MARCHF1: variants seen among roughly 807,000 people sequenced by gnomAD.
MARCHF1 encodes membrane associated ring-CH-type finger 1, also known as E3 ubiquitin-protein ligase MARCHF1.
A neutral mutation model predicts 54.2 loss-of-function variants in MARCHF1; 40 were observed. The ratio of observed to expected loss-of-function variants is 0.74; its 90% confidence interval spans 0.57 to 0.96. The LOEUF (loss-of-function observed/expected upper bound fraction) is 0.96, where lower values mean the gene tolerates loss of function less well. Among genes scored for constraint, MARCHF1 ranks in the 40% least tolerant of loss-of-function variants. The pLI, the probability that MARCHF1 is intolerant of heterozygous loss-of-function variation, is 0.00. For synonymous variants in MARCHF1, 236 were observed against 236.3 expected (o/e 1.00, Z 0.01); for missense variants, 586 against 656.5 (o/e 0.89, Z 1.17).
chr4:163,727,384 T>C (rs1745691666), intron 4 of MARCHF1, among the ~76,000 whole-genome samples: 1 of 151,972 alleles, frequency 6.6e-6, no homozygotes, highest in African/African-American at 2.4e-5. Context: ...TTCAGCTCAC[T>C]TCAAGCTCCG....
intron 3 of MARCHF1, among the ~76,000 whole-genome samples, chr4:163,955,492 A>G (rs1313688466): frequency 6.6e-6 from 1 of 151,748 alleles, no homozygotes; most frequent in Non-Finnish European, 1.5e-5. Flanking sequence ...TTCTCTCACA[A>G]CTCATACACT....
intron 2 of MARCHF1, among the ~76,000 whole-genome samples, chr4:164,006,178 A>G (rs1464212955): frequency 6.6e-6 from 1 of 152,210 alleles, no homozygotes; most frequent in Non-Finnish European, 1.5e-5. Flanking sequence ...AAAAGAATTC[A>G]AAATAGCAGA....
chr4:163,648,453 C>G (rs1560996749), intron 5 of MARCHF1, among the ~76,000 whole-genome samples: 1 of 151,522 alleles, frequency 6.6e-6, no homozygotes, highest in African/African-American at 2.4e-5. Flanking sequence ...CTGACTGTTT[C>G]TTAAACATTT....
intron 5 of MARCHF1, among the ~76,000 whole-genome samples, chr4:163,628,420 G>T (rs1741949780): frequency 6.6e-6 from 1 of 152,140 alleles, no homozygotes; most frequent in Non-Finnish European, 1.5e-5. Context: ...GGCTATTTAT[G>T]ACAAACCCAC....
intron 5 of MARCHF1, among the ~76,000 whole-genome samples, chr4:163,648,535 T>C (rs2111060736): frequency 6.6e-6 from 1 of 151,456 alleles, no homozygotes; most frequent in South Asian, 2.1e-4. Flanking sequence ...GTGAAGACGT[T>C]ATTCACTTTG....
chr4:163,874,247 G>A (rs1750241121), intron 3 of MARCHF1, among the ~76,000 whole-genome samples: 1 of 152,166 alleles, frequency 6.6e-6, no homozygotes, highest in South Asian at 2.1e-4. Context: ...TATTAGAGAT[G>A]TTTGGGCAGC....
chr4:163,636,197 C>G lies in MARCHF1; in HGVS notation c.163-22804G>C, dbSNP rs933165998. Among the ~76,000 whole-genome samples the G allele has an allele frequency of 5.3e-5, 8 of 152,100 alleles. No homozygotes were observed. The East Asian group carries it at 1.5e-3, about 29-fold the overall frequency. On this transcript the variant is annotated intron_variant, in intron 5 of 9. Transcript: ENST00000514618. ...TGAAAACCGGCACAAGACAGGGATGCCCTCTCTCACCACCCCTATTCAACA... is the reference window on the plus strand; with the variant it reads ...TGAAAACCGGCACAAGACAGGGATGGCCTCTCTCACCACCCCTATTCAACA...
chr4:164,323,447 T>C (rs1267362641), intron 1 of MARCHF1, among the ~76,000 whole-genome samples: 1 of 151,276 alleles, frequency 6.6e-6, no homozygotes, highest in Non-Finnish European at 1.5e-5. Flanking sequence ...AAAACAGAAA[T>C]GTTAATTACA....
At chr4:163,610,605 G>A (rs1741305776) in intron 7 of MARCHF1, among the ~76,000 whole-genome samples, 1 of 152,040 alleles carries the variant, frequency 6.6e-6, no homozygotes, top group Non-Finnish European at 1.5e-5. Context: ...GGTTGCAAGT[G>A]GGAAATTCTC....
chr4:163,715,347 G>A (rs1178587459), intron 4 of MARCHF1, among the ~76,000 whole-genome samples: 1 of 152,140 alleles, frequency 6.6e-6, no homozygotes, highest in Non-Finnish European at 1.5e-5. Flanking sequence ...CAGGGTTCAC[G>A]CCATTCATCT....
At chr4:164,321,007 A>G (rs1735127802) in intron 1 of MARCHF1, among the ~76,000 whole-genome samples, 1 of 152,182 alleles carries the variant, frequency 6.6e-6, no homozygotes, top group Non-Finnish European at 1.5e-5. Context: ...ACAAGCATCA[A>G]AGAGTGATTT....
intron 3 of MARCHF1, among the ~76,000 whole-genome samples, chr4:163,962,526 C>T (rs962321185): frequency 5.9e-5 from 9 of 151,822 alleles, no homozygotes; most frequent in African/African-American, 2.2e-4. Context: ...TGATTATGAC[C>T]TAAATTTGAA....
chr4:163,627,602 T>G (rs1357527745), intron 5 of MARCHF1, among the ~76,000 whole-genome samples: 1 of 152,120 alleles, frequency 6.6e-6, no homozygotes, highest in Non-Finnish European at 1.5e-5. Flanking sequence ...TCAATCTTAT[T>G]TGATATGTAA....
intron 3 of MARCHF1, among the ~76,000 whole-genome samples, chr4:163,915,103 A>AT (rs1395031699): frequency 2.0e-5 from 3 of 152,160 alleles, no homozygotes; most frequent in African/African-American, 4.8e-5. Flanking sequence ...ATCTTGTTTT[A>AT]TTTTTAAAAA....
At chr4:163,833,381 C>T (rs1023907628) in intron 4 of MARCHF1, among the ~76,000 whole-genome samples, 1 of 152,106 alleles carries the variant, frequency 6.6e-6, no homozygotes, top group Non-Finnish European at 1.5e-5. Context: ...TCTAATTAAA[C>T]TAAAGAGCTT....
At chr4:163,718,521 A>G (rs1373329119) in intron 4 of MARCHF1, among the ~76,000 whole-genome samples, 1 of 152,200 alleles carries the variant, frequency 6.6e-6, no homozygotes, top group Non-Finnish European at 1.5e-5. Flanking sequence ...TAACTGCTCT[A>G]TGAGATCAAT....
intron 1 of MARCHF1, among the ~76,000 whole-genome samples, chr4:164,211,245 T>C (rs1731760370): frequency 6.7e-6 from 1 of 150,062 alleles, no homozygotes; most frequent in Admixed American, 6.7e-5. Flanking sequence ...GTTGAGGTGG[T>C]AGATATGTTA....
intron 3 of MARCHF1, among the ~76,000 whole-genome samples, chr4:163,980,103 C>T (rs1337860501): frequency 3.4e-5 from 5 of 146,992 alleles, no homozygotes; most frequent in Non-Finnish European, 6.0e-5. Flanking sequence ...ATCACACTAC[C>T]TGACTTCAAA....
chr4:163,531,120 C>T (rs1579033673), intron 9 of MARCHF1, among the ~76,000 whole-genome samples: 1 of 151,936 alleles, frequency 6.6e-6, no homozygotes, highest in South Asian at 2.1e-4. Flanking sequence ...GATAATACTT[C>T]CTAACTAATC....
Sources: gnomAD v4.1 joint callset for allele counts (sites outside exome capture counted in the v4.1 genomes callset) on GRCh38, gnomAD v4.1.1 for gene constraint, MANE v1.5 for transcripts, NCBI Gene and HGNC (gene_info 2026-07-23, HGNC 2026-07-21) for gene names.